The following PPP2R2B variants were observed in gnomAD, a reference collection of about 807,000 sequenced individuals.
The protein encoded by PPP2R2B is protein phosphatase 2 regulatory subunit Bbeta.
In PPP2R2B, 5 loss-of-function variants were observed where a neutral mutation model predicts 46.0. The observed-to-expected ratio is 0.11, with a 90% CI of 0.06 to 0.23. The LOEUF is 0.23. Ranked by LOEUF, PPP2R2B falls within the 10% of genes least tolerant of loss-of-function variation. The pLI is 1.00. For synonymous variants in PPP2R2B, 215 were observed against 206.7 expected (o/e 1.04, Z -0.34); for missense variants, 367 against 575.0 (o/e 0.64, Z 3.70).
chr5:147,073,761 C>T (rs905912954), intron 2 of PPP2R2B, among the ~76,000 whole-genome samples: 15 of 152,030 alleles, frequency 9.9e-5, no homozygotes, highest in Non-Finnish European at 1.9e-4. Flanking sequence ...TTGGGATGGG[C>T]GGGGCGTGGT....
At chr5:146,658,256 A>G (rs1776462949) in intron 5 of PPP2R2B, among the ~76,000 whole-genome samples, 2 of 152,126 alleles carry the variant, frequency 1.3e-5, no homozygotes, top group Admixed American at 1.3e-4. Context: ...CTGAGGGTGA[A>G]TATGTTATCC....
At chr5:146,980,137 G>T (rs1753101298) in intron 1 of PPP2R2B, among the ~76,000 whole-genome samples, 3 of 152,066 alleles carry the variant, frequency 2.0e-5, no homozygotes. Context: ...ATGAAAAAAA[G>T]AAATTCAGAA....
At chr5:146,710,358 C>T (rs1437645278) in intron 2 of PPP2R2B, among the ~76,000 whole-genome samples, 2 of 152,116 alleles carry the variant, frequency 1.3e-5, no homozygotes, top group East Asian at 3.9e-4. Context: ...CACACAGCTT[C>T]CCCAGGCTGA....
intron 1 of PPP2R2B, among the ~76,000 whole-genome samples, chr5:146,932,471 G>A (rs1763999841): frequency 6.6e-6 from 1 of 152,082 alleles, no homozygotes; most frequent in Non-Finnish European, 1.5e-5. Flanking sequence ...GGTTTTAAAA[G>A]GAGCTTTTCC....
intron 2 of PPP2R2B, among the ~76,000 whole-genome samples, chr5:146,714,528 G>C (rs1164681185): frequency 6.6e-6 from 1 of 151,956 alleles, no homozygotes; most frequent in Non-Finnish European, 1.5e-5. Context: ...CGATGAAGAA[G>C]AAAGAAGGTG....
intron 2 of PPP2R2B, among the ~76,000 whole-genome samples, chr5:147,063,737 G>A (rs1250596503): frequency 6.6e-6 from 1 of 152,166 alleles, no homozygotes; most frequent in Admixed American, 6.5e-5. Context: ...TTTGGCCTTA[G>A]AGCCTTCCCC....
At chr5:146,609,144 T>A (rs1487777832) in intron 7 of PPP2R2B, among the ~76,000 whole-genome samples, 23 of 152,188 alleles carry the variant, frequency 1.5e-4, no homozygotes, top group Admixed American at 1.5e-3. Flanking sequence ...TGATATGTCA[T>A]ATCAACAGAA....
intron 5 of PPP2R2B, 145 bp from the exon 6 acceptor site, chr5:146,650,869 G>A (rs1329017590): frequency 7.2e-6 from 5 of 696,970 alleles, no homozygotes; most frequent in African/African-American, 1.8e-5. Flanking sequence ...GGCTAATAAC[G>A]AATCACACAC....
rs564532267 is a variant in PPP2R2B, at chr5:146,976,597, C to A, written c.79+79068G>T. ...ACTGAAAAAGAAGGTTTCTTTCTAT[C>A]AATTTGTAACATTATTTTGTTCATA... On this transcript the variant is annotated intron_variant, in intron 1 of 8. Transcript: ENST00000336640. 2.6e-5 allele frequency among the ~76,000 whole-genome samples: 4 copies of A among 152,214 alleles called. No homozygotes were observed. The South Asian group carries it at 8.3e-4, about 32-fold the overall frequency.
intron 3 of PPP2R2B, 124 bp from the exon 4 acceptor site, chr5:146,698,268 G>A (rs1414311949): frequency 1.5e-5 from 6 of 388,082 alleles, no homozygotes; most frequent in South Asian, 7.0e-5. Flanking sequence ...TGAGGATGAG[G>A]GCAGGGCCAT....
At chr5:146,807,361 A>T (rs913566467) in intron 2 of PPP2R2B, among the ~76,000 whole-genome samples, 1 of 152,228 alleles carries the variant, frequency 6.6e-6, no homozygotes, top group Admixed American at 6.5e-5. Context: ...ACATGAGACC[A>T]GTCAGTTCTG....
intron 1 of PPP2R2B, among the ~76,000 whole-genome samples, chr5:147,041,947 C>T (rs934241399): frequency 1.1e-4 from 17 of 152,172 alleles, no homozygotes; most frequent in African/African-American, 4.1e-4. Flanking sequence ...AGACAGACTC[C>T]ATCTTGGCTC....
intron 1 of PPP2R2B, among the ~76,000 whole-genome samples, chr5:147,004,748 C>T (rs1754353322): frequency 6.6e-6 from 1 of 152,138 alleles, no homozygotes; most frequent in Non-Finnish European, 1.5e-5. Context: ...AACTCAAGCT[C>T]CAGCCTTAAG....
intron 5 of PPP2R2B, among the ~76,000 whole-genome samples, chr5:146,667,747 C>A (rs749797418): frequency 1.3e-5 from 2 of 152,118 alleles, no homozygotes; most frequent in African/African-American, 2.4e-5. Flanking sequence ...GCCACCTGGT[C>A]TCTTAAACGC....
chr5:146,640,714 G>T (rs759254438), intron 6 of PPP2R2B, among the ~76,000 whole-genome samples: 2 of 152,218 alleles, frequency 1.3e-5, no homozygotes, highest in Non-Finnish European at 2.9e-5. Context: ...AGGGGGAGGT[G>T]CTACAGCTAC....
intron 2 of PPP2R2B, among the ~76,000 whole-genome samples, chr5:147,075,119 C>T (rs1408313410): frequency 6.6e-6 from 1 of 152,112 alleles, no homozygotes; most frequent in Non-Finnish European, 1.5e-5. Context: ...GACACCAAGT[C>T]TCAAGAAGTT....
At chr5:146,798,076 G>T (rs1469480196) in intron 2 of PPP2R2B, among the ~76,000 whole-genome samples, 1 of 151,976 alleles carries the variant, frequency 6.6e-6, no homozygotes, top group Non-Finnish European at 1.5e-5. Flanking sequence ...TCCTCCTCAG[G>T]AGCTTTCCAT....
intron 5 of PPP2R2B, among the ~76,000 whole-genome samples, chr5:146,667,113 C>CA (rs1327108146): frequency 6.6e-6 from 1 of 152,028 alleles, no homozygotes; most frequent in Non-Finnish European, 1.5e-5. Context: ...AGAAGATGAA[C>CA]AAATGAGTTA....
chr5:147,066,132 A>G (rs1436406216), intron 2 of PPP2R2B, among the ~76,000 whole-genome samples: 2 of 152,162 alleles, frequency 1.3e-5, no homozygotes, highest in Admixed American at 6.5e-5. Flanking sequence ...CTGGGTTTAA[A>G]TCATAGGTTT....
Sources: gnomAD v4.1 joint callset for allele counts (sites outside exome capture counted in the v4.1 genomes callset) on GRCh38, gnomAD v4.1.1 for gene constraint, MANE v1.5 for transcripts, NCBI Gene and HGNC (gene_info 2026-07-23, HGNC 2026-07-21) for gene names.